Variants in RFX7 observed in about 807,000 individuals in gnomAD.
RFX7 encodes DNA-binding protein RFX7.
Under a neutral mutation model 111.8 loss-of-function variants are expected in RFX7, and 26 were observed. The observed-to-expected ratio is 0.23, with a 90% CI of 0.17 to 0.32. RFX7 has a LOEUF of 0.32. Among genes scored for constraint, RFX7 ranks in the 10% least tolerant of loss-of-function variants. RFX7 has a pLI of 1.00. For missense variants in RFX7, 1,573 were observed against 1,772.9 expected, an observed-to-expected ratio of 0.89 and a Z score of 2.02; for synonymous variants, 624 against 624.4, an observed-to-expected ratio of 1.00 and a Z score of 0.01.
At chr15:56,208,330 G>A (rs1175303160) in intron 2 of RFX7, among the ~76,000 whole-genome samples, 1 of 152,134 alleles carries the variant, frequency 6.6e-6, no homozygotes, top group Non-Finnish European at 1.5e-5. Flanking sequence ...TTCCAAGTAA[G>A]GGGGCACTGG....
chr15:56,104,695 C>A (rs1408263495), intron 5 of RFX7, among the ~76,000 whole-genome samples: 1 of 152,138 alleles, frequency 6.6e-6, no homozygotes, highest in African/African-American at 2.4e-5. Flanking sequence ...GAGGCAGAGA[C>A]CCCTGGGAGC....
intron 3 of RFX7, among the ~76,000 whole-genome samples, chr15:56,169,700 C>CTTTTTTTTTTTTT (rs35597885): frequency 1.0e-5 from 1 of 96,870 alleles, no homozygotes; most frequent in Non-Finnish European, 2.0e-5. Flanking sequence ...CTAGTCAGTT[C>CTTTTTTTTTTTTT]TTTTTTTTTT....
Position 56,092,610 on chromosome 15 carries a change from T to C in RFX7, c.*735A>G, listed in dbSNP as rs2041610276. 6.6e-6 allele frequency: 1 copy of C among 152,532 alleles called. No homozygotes were observed. 9.4% of individuals were successfully genotyped at this position (152,532 alleles called of 1,614,324 possible). On this transcript the variant is annotated 3_prime_UTR_variant, in exon 10 of 10. Coordinates refer to ENST00000559447, the MANE Select transcript of RFX7 (RefSeq NM_022841.7). ...TGCCTGGAGTTACATTTGCTTGTTT[T>C]GTGTGTGCGTGCCTGCGCATCTATG...
intron 2 of RFX7, among the ~76,000 whole-genome samples, chr15:56,198,345 A>G (rs1480956210): frequency 2.6e-5 from 4 of 152,190 alleles, no homozygotes; most frequent in Non-Finnish European, 4.4e-5. Flanking sequence ...AAAGAAAAAC[A>G]TCTCTCCCTA....
chr15:56,126,038 T>C (rs1295401875), intron 5 of RFX7, among the ~76,000 whole-genome samples: 2 of 152,192 alleles, frequency 1.3e-5, no homozygotes, highest in South Asian at 4.1e-4. Flanking sequence ...TGTGTTTTCA[T>C]AGTTTTTATT....
At chr15:56,196,493 T>C (rs1259447008) in intron 2 of RFX7, among the ~76,000 whole-genome samples, 1 of 152,132 alleles carries the variant, frequency 6.6e-6, no homozygotes, top group African/African-American at 2.4e-5. Flanking sequence ...TTATCTATTT[T>C]GATACATTCT....
intron 3 of RFX7, among the ~76,000 whole-genome samples, chr15:56,155,156 G>T (rs1300389468): frequency 6.6e-6 from 1 of 152,164 alleles, no homozygotes; most frequent in Admixed American, 6.5e-5. Context: ...GGAAAAATAA[G>T]AACGCTTTTA....
At chr15:56,220,053 CAT>C (rs1264964097) in intron 2 of RFX7, among the ~76,000 whole-genome samples, 1 of 151,880 alleles carries the variant, frequency 6.6e-6, no homozygotes, top group Non-Finnish European at 1.5e-5. Flanking sequence ...GACCAGGAAG[CAT>C]AACCTTTTTT....
chr15:56,213,187 C>G (rs1372787741), intron 2 of RFX7, among the ~76,000 whole-genome samples: 3 of 152,146 alleles, frequency 2.0e-5, no homozygotes, highest in African/African-American at 7.2e-5. Context: ...TTGTACATTT[C>G]TCCATTTATC....
chr15:56,215,883 A>G (rs2043358656), intron 2 of RFX7, among the ~76,000 whole-genome samples: 1 of 152,142 alleles, frequency 6.6e-6, no homozygotes, highest in African/African-American at 2.4e-5. Context: ...CAGGAGCTGC[A>G]TTATCATTTC....
At chr15:56,160,351 GTT>G (rs77452375) in intron 3 of RFX7, among the ~76,000 whole-genome samples, 1 of 136,042 alleles carries the variant, frequency 7.4e-6, no homozygotes, top group Non-Finnish European at 1.6e-5. Context: ...TCAGTAAAAA[GTT>G]TTTTTTTTTT....
chr15:56,133,368 A>C (rs190339569), intron 5 of RFX7, among the ~76,000 whole-genome samples: 112 of 152,034 alleles, frequency 7.4e-4, no homozygotes, highest in African/African-American at 2.6e-3. Context: ...CCTCAAAGGG[A>C]TTTTGCTTTT....
Position 56,095,727 on chromosome 15 carries a change from G to A in RFX7, c.2001C>T (p.Thr667=), listed in dbSNP as rs374156205. 219 of 1,613,750 alleles carry A rather than the reference G, an allele frequency of 1.4e-4. No individual in the cohort carries two copies. The highest frequency in any genetic ancestry group is 1.8e-4 in the Admixed American group (11 of 59,986). The change falls in exon 10 of 10, where the codon ACC becomes ACT. Residue 667 remains threonine, a synonymous_variant. Transcript: ENST00000559447. The part of the protein sequence containing the change: ...RKRLSSTLQE[T]QVPPVKKPIV... ...TTGGTTTCTTTACAGGAGGCACCTG[G>A]GTCTCCTGCAATGTAGAAGACAGTC... is the stretch of plus-strand genomic sequence containing the variant.
At chr15:56,211,625 A>G (rs2141197915) in intron 2 of RFX7, among the ~76,000 whole-genome samples, 1 of 152,270 alleles carries the variant, frequency 6.6e-6, no homozygotes, top group South Asian at 2.1e-4. Context: ...CTACAGATGG[A>G]GAAAAAAATA....
chr15:56,200,615 A>G (rs1327449181), intron 2 of RFX7, among the ~76,000 whole-genome samples: 7 of 152,108 alleles, frequency 4.6e-5, no homozygotes, highest in Non-Finnish European at 7.3e-5. Flanking sequence ...CCTAGCCAAC[A>G]TGGTAAAACC....
intron 5 of RFX7, among the ~76,000 whole-genome samples, chr15:56,110,091 G>T (rs2041895114): frequency 7.5e-6 from 1 of 132,608 alleles, no homozygotes; most frequent in Non-Finnish European, 1.6e-5. Context: ...GGAGGGAGGT[G>T]GGGGGGTCAG....
chr15:56,129,258 C>T (rs2042182654), intron 5 of RFX7, among the ~76,000 whole-genome samples: 2 of 151,790 alleles, frequency 1.3e-5, no homozygotes, highest in African/African-American at 4.8e-5. Context: ...GCCTGTAGTC[C>T]CAGCAACTGG....
intron 2 of RFX7, among the ~76,000 whole-genome samples, chr15:56,228,996 T>TG (rs2043518184): frequency 6.6e-6 from 1 of 152,222 alleles, no homozygotes; most frequent in Non-Finnish European, 1.5e-5. Flanking sequence ...AAGGGTTACT[T>TG]GAACATAGCA....
Position 56,094,837 on chromosome 15 carries a change from G to C in RFX7, c.2891C>G (p.Pro964Arg), listed in dbSNP as rs1256197437. ...AGATCCAGCAATCATTTCAGATGTC[G>C]GGGTTGGGGTTGGGGTTGGAGTAGG... The part of the protein sequence containing the change: ...PTPTPTPTPT[P>R]TSEMIAGSQS... Residue 964 changes from proline to arginine, a missense_variant, in exon 10 of 10, where the codon CCG becomes CGG. Around this residue, in one of 7 missense-constraint regions of RFX7, gnomAD observed 625 missense variants for 632.2 expected, o/e 0.99. Transcript: ENST00000559447. 2 of 1,549,988 alleles carry C rather than the reference G, an allele frequency of 1.3e-6. No homozygotes were observed. Among genetic ancestry groups the C allele is most frequent in the Admixed American group, 2.0e-5 (1 of 51,180 alleles).
Sources: gnomAD v4.1 joint callset for allele counts (sites outside exome capture counted in the v4.1 genomes callset) on GRCh38, gnomAD v4.1.1 for gene constraint, gnomAD v4.1.1 regional missense constraint, MANE v1.5 for transcripts, NCBI Gene and HGNC (gene_info 2026-07-23, HGNC 2026-07-21) for gene names.